Variants in DYNC2H1 observed in about 807,000 individuals in gnomAD.
DYNC2H1 encodes dynein cytoplasmic 2 heavy chain 1.
Under a neutral mutation model 570.0 loss-of-function variants are expected in DYNC2H1, and 410 were observed. That is an observed-to-expected ratio of 0.72 (90% CI 0.66 to 0.78). The LOEUF (loss-of-function observed/expected upper bound fraction) is 0.78. Among genes scored for constraint, DYNC2H1 ranks in the 30% least tolerant of loss-of-function variants. DYNC2H1 has a pLI of 0.00. For synonymous variants in DYNC2H1, 1,688 were observed against 1,677.6 expected (o/e 1.01, Z -0.15); for missense variants, 4,865 against 5,046.4 (o/e 0.96, Z 1.09).
At chr11:103,269,917 G>A (rs1436376641) in intron 70 of DYNC2H1, among the ~76,000 whole-genome samples, 2 of 152,050 alleles carry the variant, frequency 1.3e-5, no homozygotes, top group African/African-American at 4.8e-5. Context: ...GGTTGGAGCT[G>A]GGTGCGGTGG....
intron 11 of DYNC2H1, 111 bp downstream of exon 11, chr11:103,123,111 T>A: frequency 1.1e-6 from 1 of 905,492 alleles, no homozygotes; most frequent in Non-Finnish European, 1.5e-6. Context: ...ACTCCTCCTG[T>A]AATTTTTTTT....
rs1862342153 is a variant in DYNC2H1 at position 103,192,147 on chromosome 11, G to A, written c.7591G>A (p.Ala2531Thr). 2 of 1,561,546 alleles carry A rather than the reference G, an allele frequency of 1.3e-6. No homozygotes were observed. The highest frequency in any genetic ancestry group is 4.6e-5 in the East Asian group (2 of 43,420). Reference protein sequence around the residue: ...DYVLEIVAYEARRLFRDKIVG... With the variant: ...DYVLEIVAYETRRLFRDKIVG... ...TGTGTTAGAAATTGTAGCATATGAG[G>A]CACGGCGCTTATTTCGTGACAAAAT... The change falls in exon 47 of 89, where the codon GCA becomes ACA. Residue 2531 changes from alanine to threonine, a missense_variant. Transcript: ENST00000375735.
chr11:103,316,559 T>G lies in DYNC2H1; in HGVS notation c.11664T>G (p.Phe3888Leu), dbSNP rs1240582465. The change falls in exon 80 of 89, where the codon TTT becomes TTG. Residue 3888 changes from phenylalanine (F) to leucine (L), a missense_variant. This residue lies in a region of DYNC2H1 where 2,401 missense variants were observed against 2,454.6 expected (regional missense o/e 0.98). Coordinates refer to ENST00000375735, the MANE Select transcript of DYNC2H1 (RefSeq NM_001377.3). Reference sequence around the variant, plus strand: ...TTTTTTGACAGGGTTGGACAAAGTTTTATGAATTTTCTTTATCAGATCTTC... The same window carrying G: ...TTTTTTGACAGGGTTGGACAAAGTTGTATGAATTTTCTTTATCAGATCTTC... ...RNYIPQGWTKFYEFSLSDLRA... is the reference protein window; with the variant it reads ...RNYIPQGWTKLYEFSLSDLRA... 3 of 1,556,712 alleles carry G rather than the reference T, an allele frequency of 1.9e-6. No homozygotes were observed. The South Asian group carries it at 3.7e-5, about 19-fold the overall frequency.
rs1378105265 is a variant in DYNC2H1 at position 103,152,281 on chromosome 11, A to C, written c.3092A>C (p.Asp1031Ala). 1 of 1,595,582 alleles carries C rather than the reference A, an allele frequency of 6.3e-7. No homozygotes were observed. The highest frequency in any genetic ancestry group is 1.4e-5 in the African/African-American group (1 of 73,902). Residue 1031 changes from aspartate (D) to alanine (A), a missense_variant, in exon 21 of 89, where the codon GAC becomes GCC. Asp to Ala is a moderately radical substitution (Grantham distance 126). This residue lies in a region of DYNC2H1 where 1,936 missense variants were observed against 1,962.1 expected (regional missense o/e 0.99). Coordinates refer to ENST00000375735, the MANE Select transcript of DYNC2H1 (RefSeq NM_001377.3). The stretch of plus-strand genomic sequence containing the variant: ...GAAAGTCACCAACTTATGATTAAAG[A>C]CCAGGTTAGAATCTTTTAATTATTT... Reference protein sequence around the residue: ...MMESHQLMIKDQIEVMKGNVK... With the variant: ...MMESHQLMIKAQIEVMKGNVK...
At chr11:103,464,895 A>G (rs937036373) in intron 87 of DYNC2H1, among the ~76,000 whole-genome samples, 9 of 152,182 alleles carry the variant, frequency 5.9e-5, no homozygotes, top group African/African-American at 2.2e-4. Flanking sequence ...AAATAATTTT[A>G]GTGTGTAATT....
At chr11:103,353,738 C>T (rs1259922573) in intron 82 of DYNC2H1, among the ~76,000 whole-genome samples, 1 of 151,878 alleles carries the variant, frequency 6.6e-6, no homozygotes, top group Non-Finnish European at 1.5e-5. Flanking sequence ...TTTAGGTGCC[C>T]ACTTTTAAAT....
In DYNC2H1 at chr11:103,470,861, T is replaced by C. The variant is rs572043904; in HGVS notation, c.12765+2156T>C. Among the ~76,000 whole-genome samples the C allele has an allele frequency of 5.9e-5, 9 of 152,356 alleles. No homozygotes were observed. In the East Asian group the frequency reaches 1.7e-3, roughly 29 times the overall value. ...TCCAAGTCTTTGCTATTGTCAATAG[T>C]GCCGCTATAAACATACGTGTGCATG... is the stretch of plus-strand genomic sequence containing the variant. On this transcript the variant is annotated intron_variant, in intron 88 of 88. Coordinates refer to ENST00000375735, the MANE Select transcript of DYNC2H1 (RefSeq NM_001377.3).
intron 84 of DYNC2H1, among the ~76,000 whole-genome samples, chr11:103,424,983 A>G (rs1488566556): frequency 6.6e-6 from 1 of 152,136 alleles, no homozygotes; most frequent in African/African-American, 2.4e-5. Flanking sequence ...TCACCTAGGC[A>G]GGAGTACAGT....
rs118083364 is a variant in DYNC2H1 at position 103,268,683 on chromosome 11, G to A, written c.10695+8706G>A. 2.6e-3 allele frequency among the ~76,000 whole-genome samples: 399 copies of A among 151,884 alleles called. 3 individuals carry two copies. Among genetic ancestry groups the A allele is most frequent in the Non-Finnish European group, 4.4e-3 (296 of 67,864 alleles). ...TATGGAGTTACAGTTATTTTAAGCTGCCCCAAATCTTTTTTGAAAGTGGAT... is the reference window on the plus strand; with the variant it reads ...TATGGAGTTACAGTTATTTTAAGCTACCCCAAATCTTTTTTGAAAGTGGAT... On this transcript the variant is annotated intron_variant, in intron 70 of 88. Coordinates refer to ENST00000375735, the MANE Select transcript of DYNC2H1 (RefSeq NM_001377.3). This position sits in a 1 kb window ranked among gnomAD's most constrained non-coding sequence, Gnocchi z 4.6.
At chr11:103,246,011 G>A (rs969696625) in intron 65 of DYNC2H1, among the ~76,000 whole-genome samples, 31 of 152,068 alleles carry the variant, frequency 2.0e-4, no homozygotes, top group Admixed American at 9.2e-4. Flanking sequence ...TTGGGGCAAC[G>A]CAGAGAAATA....
intron 85 of DYNC2H1, among the ~76,000 whole-genome samples, chr11:103,438,707 A>G (rs1393355774): frequency 6.6e-6 from 1 of 152,172 alleles, no homozygotes; most frequent in Non-Finnish European, 1.5e-5. Context: ...TTATTCAGTC[A>G]TTCATTCAGT....
intron 29 of DYNC2H1, among the ~76,000 whole-genome samples, chr11:103,161,669 G>C (rs625029): frequency 6.6e-6 from 1 of 152,100 alleles, no homozygotes; most frequent in African/African-American, 2.4e-5. Flanking sequence ...ACACTATTTA[G>C]TGCTTGGAAC....
intron 83 of DYNC2H1, among the ~76,000 whole-genome samples, chr11:103,364,600 T>G (rs1591634756): frequency 8.6e-6 from 1 of 116,808 alleles, no homozygotes; most frequent in South Asian, 2.9e-4. Context: ...AATCTTGTTG[T>G]TTTTTTTTTT....
intron 82 of DYNC2H1, among the ~76,000 whole-genome samples, chr11:103,347,058 T>C (rs1939777850): frequency 6.6e-6 from 1 of 152,126 alleles, no homozygotes; most frequent in African/African-American, 2.4e-5. Context: ...AAAGTATTCT[T>C]TCAAAAAGAG....
Position 103,252,458 on chromosome 11 carries a change from C to G in DYNC2H1, c.10043-827C>G, listed in dbSNP as rs944982962. On this transcript the variant is annotated intron_variant, in intron 65 of 88. Coordinates refer to ENST00000375735, the MANE Select transcript of DYNC2H1 (RefSeq NM_001377.3). The surrounding 1 kb of genome is among the most constrained non-coding windows in gnomAD (Gnocchi z 4.6). ...CATTTTTCATAATGGCTGCCCTGGT[C>G]TTCATTCCCACCAACAATTCCCTTT... 6.6e-6 allele frequency among the ~76,000 whole-genome samples: 1 copy of G among 152,092 alleles called. No homozygotes were observed. Among genetic ancestry groups the G allele is most frequent in the Non-Finnish European group, 1.5e-5 (1 of 68,012 alleles).
intron 83 of DYNC2H1, among the ~76,000 whole-genome samples, chr11:103,392,429 C>G (rs776015934): frequency 1.3e-5 from 2 of 152,248 alleles, no homozygotes; most frequent in Non-Finnish European, 2.9e-5. Context: ...AGGGAATTCC[C>G]TGACCCCTTG....
intron 87 of DYNC2H1, among the ~76,000 whole-genome samples, chr11:103,459,081 G>T (rs528331639): frequency 2.0e-5 from 3 of 151,240 alleles, no homozygotes; most frequent in African/African-American, 7.3e-5. Flanking sequence ...AGGCCGAGGC[G>T]GGCGGATCAC....
intron 75 of DYNC2H1, among the ~76,000 whole-genome samples, 189 bp from the exon 76 acceptor site, chr11:103,302,904 C>T (rs1867106885): frequency 6.6e-6 from 1 of 151,660 alleles, no homozygotes; most frequent in Non-Finnish European, 1.5e-5. Context: ...AGAAAAATGC[C>T]CGGCACCTTA....
chr11:103,337,394 T>C (rs11225726), intron 82 of DYNC2H1, among the ~76,000 whole-genome samples: 32,944 of 152,082 alleles, frequency 0.22, 3,704 homozygotes, highest in Admixed American at 0.31. Flanking sequence ...TTAGGGTCTC[T>C]ATGACCAAGC....
Sources: gnomAD v4.1 joint callset for allele counts (sites outside exome capture counted in the v4.1 genomes callset) on GRCh38, gnomAD v4.1.1 for gene constraint, gnomAD v4.1.1 regional missense constraint, Gnocchi (gnomAD v3.1) non-coding constraint, MANE v1.5 for transcripts, NCBI Gene and HGNC (gene_info 2026-07-23, HGNC 2026-07-21) for gene names.